Variants in MN1 observed in about 807,000 individuals in gnomAD.
The protein encoded by MN1 is MN1 proto-oncogene, transcriptional regulator.
Under a neutral mutation model 86.9 loss-of-function variants are expected in MN1, and 19 were observed. The ratio of observed to expected loss-of-function variants is 0.22; its 90% CI spans 0.15 to 0.32. The LOEUF is 0.32. MN1 is among the 10% of genes least tolerant of loss of function. The pLI is 1.00. For missense variants in MN1, 1,841 were observed against 1,862.0 expected (o/e 0.99, Z 0.21); for synonymous variants, 928 against 849.6 (o/e 1.09, Z -1.60).
chr22:27,787,378 G>A (rs867807632), intron 1 of MN1, among the ~76,000 whole-genome samples: 3 of 152,188 alleles, frequency 2.0e-5, no homozygotes, highest in Admixed American at 2.0e-4. Context: ...CACTGCAAAA[G>A]CATTAAGGGC....
intron 1 of MN1, among the ~76,000 whole-genome samples, chr22:27,760,939 G>A (rs1345130095): frequency 6.6e-6 from 1 of 152,208 alleles, no homozygotes; most frequent in Admixed American, 6.5e-5. Flanking sequence ...CCCAGAGGGA[G>A]AGATGGCCCG....
At position 27,800,279 on chromosome 22, in the gene MN1, G is replaced by A; in HGVS notation, c.265C>T (p.His89Tyr). ...GGCTGCTGGCCGCCAAAGAAGCCGTGCACAGGCTGCGCTTGCAGCCCCCCT... is the reference window on the plus strand; with the variant it reads ...GGCTGCTGGCCGCCAAAGAAGCCGTACACAGGCTGCGCTTGCAGCCCCCCT... ...HAGGLQAQPV[H>Y]GFFGGQQPHH... Residue 89 changes from histidine (H) to tyrosine (Y), a missense_variant, in exon 1 of 2, where the codon CAC (histidine) becomes TAC (tyrosine). His to Tyr is a moderately conservative substitution (Grantham distance 83, BLOSUM62 2). Coordinates refer to ENST00000302326, the MANE Select transcript of MN1 (RefSeq NM_002430.3). The A allele has an allele frequency of 3.8e-6, 6 of 1,581,500 alleles. No individual in the cohort carries two copies. Among genetic ancestry groups the A allele is most frequent in the Non-Finnish European group, 5.2e-6 (6 of 1,164,176 alleles).
In MN1 at chr22:27,796,872, G is replaced by C. The variant is rs901928225; in HGVS notation, c.3672C>G (p.Ser1224Arg). The C allele has an allele frequency of 1.9e-6, 3 of 1,612,908 alleles. No individual in the cohort carries two copies. Among genetic ancestry groups the C allele is most frequent in the Non-Finnish European group, 2.5e-6 (3 of 1,180,008 alleles). Residue 1224 changes from serine to arginine, a missense_variant, in exon 1 of 2, where the codon AGC becomes AGG. Coordinates refer to ENST00000302326, the MANE Select transcript of MN1 (RefSeq NM_002430.3). Reference sequence around the variant, plus strand: ...TGTCAGCGGGCATGTACCAGGCAGCGCTGTGCTCTGCCATCAGCGAGTCCA... The same window carrying C: ...TGTCAGCGGGCATGTACCAGGCAGCCCTGTGCTCTGCCATCAGCGAGTCCA... ...IDLDSLMAEH[S>R]AAWYMPADKA...
At chr22:27,792,331 T>TATAA (rs1933223549) in intron 1 of MN1, among the ~76,000 whole-genome samples, 2 of 144,360 alleles carry the variant, frequency 1.4e-5, no homozygotes, top group African/African-American at 2.5e-5. Context: ...TATATATATA[T>TATAA]ATATATATAT....
chr22:27,751,589 C>T (rs908689052), intron 1 of MN1, among the ~76,000 whole-genome samples: 4 of 152,156 alleles, frequency 2.6e-5, no homozygotes, highest in South Asian at 2.1e-4. Flanking sequence ...GGGCCTACCA[C>T]GAGCTGGGAA....
In MN1 at chr22:27,800,165, A is replaced by G; in HGVS notation, c.379T>C (p.Cys127Arg). ...NFGGPDPGAS[C>R]LHGGRLLGYG... ...CCGAGCAGGCGACCCCCGTGCAGGC[A>G]CGAGGCCCCGGGGTCCGGGCCACCG... Residue 127 changes from cysteine (C) to arginine (R), a missense_variant, in exon 1 of 2, where the codon TGC (cysteine) becomes CGC (arginine). Physicochemically the swap from Cys to Arg is radical, Grantham distance 180. Coordinates refer to ENST00000302326, the MANE Select transcript of MN1 (RefSeq NM_002430.3). The G allele has an allele frequency of 6.5e-7, 1 of 1,548,362 alleles. No individual in the cohort carries two copies.
chr22:27,788,125 C>T (rs528842981), intron 1 of MN1, among the ~76,000 whole-genome samples: 4 of 152,204 alleles, frequency 2.6e-5, no homozygotes, highest in Non-Finnish European at 4.4e-5. Flanking sequence ...TTTCCACTCG[C>T]GAACCCCAAG....
chr22:27,754,663 G>A (rs972671087), intron 1 of MN1, among the ~76,000 whole-genome samples: 1 of 152,186 alleles, frequency 6.6e-6, no homozygotes, highest in Admixed American at 6.5e-5. Flanking sequence ...CAGGGCTGCC[G>A]AGTCGCTGCC....
At position 27,800,499 on chromosome 22, in the gene MN1, G is replaced by T; in HGVS notation, c.45C>A (p.Asn15Lys). Residue 15 changes from asparagine (N) to lysine (K), a missense_variant, in exon 1 of 2, where the codon AAC becomes AAA. Asn to Lys is a moderately conservative substitution (Grantham distance 94). Transcript: ENST00000302326. ...TAAAGTTCCTCTCGCCCTGGCCAGC[G>T]TTCCTGCTGTTGACCTGGGGCTCGA... Reference protein sequence around the residue: ...DQFEPQVNSRNAGQGERNFNE... With the variant: ...DQFEPQVNSRKAGQGERNFNE... 2.5e-6 allele frequency: 4 copies of T among 1,614,198 alleles called. No homozygotes were observed. Among genetic ancestry groups the T allele is most frequent in the Non-Finnish European group, 3.4e-6 (4 of 1,180,030 alleles).
In MN1 at chr22:27,751,020, T is replaced by C. The variant is rs1398370133; in HGVS notation, c.3858A>G (p.Thr1286=). The C allele has an allele frequency of 1.2e-6, 2 of 1,612,142 alleles. No homozygotes were observed. Among genetic ancestry groups the C allele is most frequent in the African/African-American group, 2.7e-5 (2 of 74,884 alleles). ...SHLQCLSVHC[T]DDVGDAKARA... The stretch of plus-strand genomic sequence containing the variant: ...GAGCCTTGGCGTCACCCACGTCGTC[T>C]GTGCAGTGGACAGACAGGCACTGCA... The change falls in exon 2 of 2, where the codon ACA becomes ACG. Residue 1286 remains threonine, a synonymous_variant. Coordinates refer to ENST00000302326, the MANE Select transcript of MN1 (RefSeq NM_002430.3).
At chr22:27,787,134 ATGTGTGCACGTGCACGTGCG>A (rs1933145033) in intron 1 of MN1, among the ~76,000 whole-genome samples, 1 of 152,212 alleles carries the variant, frequency 6.6e-6, no homozygotes, top group African/African-American at 2.4e-5. Flanking sequence ...CCTGTGTGGT[ATGTGTGCACGTGCACGTGCG>A]TGTGTGCACG....
Position 27,798,054 on chromosome 22 carries a change from G to T in MN1, c.2490C>A (p.Thr830=). ...FGQSCLAALS[T]ACQNMIASLG... ...GGCTGGCGATCATGTTCTGGCAAGC[G>T]GTGGAGAGCGCAGCCAGGCAGCTCT... Residue 830 remains threonine, a synonymous_variant, in exon 1 of 2, where the codon ACC becomes ACA. Coordinates refer to ENST00000302326, the MANE Select transcript of MN1 (RefSeq NM_002430.3). The T allele has an allele frequency of 6.2e-7, 1 of 1,611,006 alleles. No homozygotes were observed. Among genetic ancestry groups the T allele is most frequent in the East Asian group, 2.2e-5 (1 of 44,868 alleles).
intron 1 of MN1, among the ~76,000 whole-genome samples, chr22:27,774,564 C>T (rs1056374151): frequency 6.6e-5 from 10 of 152,202 alleles, no homozygotes; most frequent in African/African-American, 2.2e-4. Flanking sequence ...GGGGTTTCTT[C>T]CCTCAGAGAC....
rs1292645652 is a variant in MN1 at position 27,799,964 on chromosome 22, C to T, written c.580G>A (p.Asp194Asn). ...HAVPAPCLPL[D>N]QSPNRAASFH... ...GAGGCGGCTCGGTTAGGGCTCTGGT[C>T]CAGCGGCAGGCATGGGGCCGGCACG... Residue 194 changes from aspartate to asparagine, a missense_variant, in exon 1 of 2, where the codon GAC becomes AAC. Asp to Asn is a conservative substitution (Grantham distance 23). Coordinates refer to ENST00000302326, the MANE Select transcript of MN1 (RefSeq NM_002430.3). 6.2e-7 allele frequency: 1 copy of T among 1,603,426 alleles called. No homozygotes were observed. Among genetic ancestry groups the T allele is most frequent in the East Asian group, 2.2e-5 (1 of 44,652 alleles).
At chr22:27,761,356 C>G (rs1932833562) in intron 1 of MN1, among the ~76,000 whole-genome samples, 1 of 151,638 alleles carries the variant, frequency 6.6e-6, no homozygotes, top group African/African-American at 2.4e-5. Flanking sequence ...CTCCTTCTCC[C>G]CCTCCCTCTT....
In MN1 at chr22:27,801,317, C is replaced by CTCGGCAGCGGGTGCGCTGCAT. The variant is rs1568987048; in HGVS notation, c.-775_-774insATGCAGCGCACCCGCTGCCGA. On this transcript the variant is annotated 5_prime_UTR_variant, in exon 1 of 2. In the 5' UTR this introduces an upstream ATG that the reference lacks. Transcript: ENST00000302326. ...GTCGGGGAAAGGCGCGGCTCCTCTGCTCGGCAGCGGGTGCGCTGCGTTCGG... is the reference window on the plus strand; with the variant it reads ...GTCGGGGAAAGGCGCGGCTCCTCTGCTCGGCAGCGGGTGCGCTGCATTCGGCAGCGGGTGCGCTGCGTTCGG... 3 of 218,220 alleles carry CTCGGCAGCGGGTGCGCTGCAT rather than the reference C, an allele frequency of 1.4e-5. No individual in the cohort carries two copies. Among genetic ancestry groups the CTCGGCAGCGGGTGCGCTGCAT allele is most frequent in the African/African-American group, 6.8e-5 (3 of 44,148 alleles). 13.5% of individuals were successfully genotyped at this position (218,220 alleles called of 1,614,324 possible). A position where few individuals can be genotyped will look rare whatever the true frequency, so the allele number is the denominator to read the frequency against.
At chr22:27,781,668 A>G (rs1344112698) in intron 1 of MN1, among the ~76,000 whole-genome samples, 1 of 152,010 alleles carries the variant, frequency 6.6e-6, no homozygotes, top group Non-Finnish European at 1.5e-5. Flanking sequence ...CCCCACAGCA[A>G]CCCTCTGAGA....
chr22:27,786,894 C>T (rs1311575814), intron 1 of MN1, among the ~76,000 whole-genome samples: 4 of 152,120 alleles, frequency 2.6e-5, no homozygotes, highest in Non-Finnish European at 2.9e-5. Flanking sequence ...GCTTCACAGG[C>T]GCTGAGCACA....
At position 27,749,621 on chromosome 22, in the gene MN1, G is replaced by A. The variant is rs1235866905; in HGVS notation, c.*1294C>T. The stretch of plus-strand genomic sequence containing the variant: ...GACATGGCTCTAGTTTTGCAACAGG[G>A]TGAGATTCCAAAAAAATGTTGGGGA... On this transcript the variant is annotated 3_prime_UTR_variant, in exon 2 of 2. Coordinates refer to ENST00000302326, the MANE Select transcript of MN1 (RefSeq NM_002430.3). The A allele has an allele frequency of 8.6e-6, 2 of 231,854 alleles. No individual in the cohort carries two copies. Among genetic ancestry groups the A allele is most frequent in the Non-Finnish European group, 1.7e-5 (2 of 117,258 alleles). 14.4% of individuals were successfully genotyped at this position (231,854 alleles called of 1,614,324 possible). A position where few individuals can be genotyped will look rare whatever the true frequency, so the allele number is the denominator to read the frequency against.
Sources: allele counts gnomAD v4.1 joint callset (sites outside exome capture counted in the v4.1 genomes callset), GRCh38; gene constraint gnomAD v4.1.1; transcripts MANE v1.5; gene names NCBI Gene and HGNC (gene_info 2026-07-23, HGNC 2026-07-21).